FAF1: variants seen among roughly 807,000 people sequenced by gnomAD.
FAF1 encodes the protein FAS-associated factor 1.
In FAF1, 25 loss-of-function variants were observed where a neutral mutation model predicts 92.5. The ratio of observed to expected loss-of-function variants is 0.27; its 90% CI spans 0.20 to 0.38. The LOEUF is 0.38. Ranked by LOEUF, FAF1 falls within the 10% of genes least tolerant of loss-of-function variation. The probability of loss-of-function intolerance (pLI) is 1.00; values close to 1 mark genes in which losing one functional copy is unlikely to be tolerated. For synonymous variants in FAF1, 234 were observed against 273.2 expected (o/e 0.86, Z 1.42); for missense variants, 636 against 793.3 (o/e 0.80, Z 2.38).
At chr1:50,730,001 CAG>C (rs940330792) in intron 6 of FAF1, among the ~76,000 whole-genome samples, 42 of 152,062 alleles carry the variant, frequency 2.8e-4, no homozygotes, top group African/African-American at 9.9e-4. Context: ...AGCCTGGTGA[CAG>C]AGAGAGACTC....
chr1:50,724,296 T>TACACACACATAC (rs1553132405), intron 6 of FAF1, among the ~76,000 whole-genome samples: 1 of 117,136 alleles, frequency 8.5e-6, no homozygotes, highest in Non-Finnish European at 1.9e-5. Flanking sequence ...CACACACACA[T>TACACACACATAC]ACACACACAC....
At chr1:50,482,624 G>A (rs1273658001) in intron 17 of FAF1, among the ~76,000 whole-genome samples, 2 of 152,106 alleles carry the variant, frequency 1.3e-5, no homozygotes, top group South Asian at 2.1e-4. Flanking sequence ...TAGCATTCCC[G>A]TCATTAATGT....
At chr1:50,720,041 A>G (rs1658344612) in intron 6 of FAF1, among the ~76,000 whole-genome samples, 1 of 150,224 alleles carries the variant, frequency 6.7e-6, no homozygotes, top group South Asian at 2.1e-4. Flanking sequence ...TTGTTCTGCC[A>G]CCTAGGCTGG....
At chr1:50,619,650 C>T (rs904810846) in intron 8 of FAF1, among the ~76,000 whole-genome samples, 8 of 152,098 alleles carry the variant, frequency 5.3e-5, no homozygotes, top group African/African-American at 1.9e-4. Flanking sequence ...TATGACTTGA[C>T]CATTCTCTCT....
intron 15 of FAF1, among the ~76,000 whole-genome samples, chr1:50,503,872 G>C (rs185219827): frequency 1.1e-4 from 17 of 152,280 alleles, no homozygotes; most frequent in African/African-American, 3.1e-4. Context: ...GGATATGTGG[G>C]ACTTGGCTTG....
intron 10 of FAF1, 67 bp downstream of exon 10, chr1:50,584,618 T>A: frequency 6.7e-7 from 1 of 1,500,632 alleles, no homozygotes; most frequent in Non-Finnish European, 9.1e-7. Flanking sequence ...AGTTTAATGT[T>A]CTTCATAAGT....
At chr1:50,906,244 G>A (rs1644837289) in intron 1 of FAF1, among the ~76,000 whole-genome samples, 1 of 152,158 alleles carries the variant, frequency 6.6e-6, no homozygotes, top group Admixed American at 6.5e-5. Flanking sequence ...CTACATCTCT[G>A]TTTTGGTACC....
At chr1:50,860,694 G>A (rs1159773244) in intron 1 of FAF1, among the ~76,000 whole-genome samples, 1 of 151,766 alleles carries the variant, frequency 6.6e-6, no homozygotes, top group Non-Finnish European at 1.5e-5. Context: ...GCAGTTTGTA[G>A]ATTTCTCAAC....
intron 2 of FAF1, among the ~76,000 whole-genome samples, chr1:50,836,439 T>C (rs1339794204): frequency 6.6e-6 from 1 of 152,166 alleles, no homozygotes; most frequent in African/African-American, 2.4e-5. Flanking sequence ...AATAATCTCT[T>C]ACAAATGGTA....
At chr1:50,825,081 T>C (rs1644083454) in intron 2 of FAF1, among the ~76,000 whole-genome samples, 2 of 152,220 alleles carry the variant, frequency 1.3e-5, no homozygotes, top group Middle Eastern at 3.4e-3. Flanking sequence ...AGTGTGTATT[T>C]CAAAATAGCT....
At chr1:50,675,803 T>G (rs1029948095) in intron 7 of FAF1, among the ~76,000 whole-genome samples, 1 of 152,218 alleles carries the variant, frequency 6.6e-6, no homozygotes, top group Non-Finnish European at 1.5e-5. Flanking sequence ...CAAATGTTTA[T>G]GATACAATGT....
At chr1:50,602,223 G>A (rs1652173136) in intron 8 of FAF1, among the ~76,000 whole-genome samples, 1 of 152,128 alleles carries the variant, frequency 6.6e-6, no homozygotes, top group Non-Finnish European at 1.5e-5. Flanking sequence ...TGTGTTTTAA[G>A]AAGAACAATT....
chr1:50,769,053 A>AC (rs1470945223), intron 4 of FAF1, among the ~76,000 whole-genome samples: 2 of 152,082 alleles, frequency 1.3e-5, no homozygotes, highest in African/African-American at 2.4e-5. Context: ...CTTAAAAAAA[A>AC]AACAGGAGAG....
At position 50,523,004 on chromosome 1, in the gene FAF1, T is replaced by C. The variant is rs570893402; in HGVS notation, c.1494+12365A>G. On this transcript the variant is annotated intron_variant, in intron 15 of 18. Coordinates refer to ENST00000396153, the MANE Select transcript of FAF1 (RefSeq NM_007051.3). ...ATTTGATTGTTTTCAAAAATTTGCC[T>C]ATTGATGAATCATACATTTGTCCTT... Among the ~76,000 whole-genome samples, 6 of 152,316 alleles carry C rather than the reference T, an allele frequency of 3.9e-5. No individual in the cohort carries two copies. In the South Asian group the frequency reaches 1.2e-3, roughly 32 times the overall value.
chr1:50,955,680 TG>T (rs1229531936), intron 1 of FAF1, among the ~76,000 whole-genome samples: 3 of 152,212 alleles, frequency 2.0e-5, no homozygotes, highest in Non-Finnish European at 4.4e-5. Flanking sequence ...AACATATATT[TG>T]AACACCAATG....
chr1:50,802,069 T>C (rs568528543), intron 2 of FAF1, among the ~76,000 whole-genome samples: 1 of 152,198 alleles, frequency 6.6e-6, no homozygotes, highest in South Asian at 2.1e-4. Context: ...CAAATGAATG[T>C]ATTATTTCAT....
intron 1 of FAF1, among the ~76,000 whole-genome samples, chr1:50,929,902 A>G (rs969897692): frequency 4.6e-5 from 7 of 152,266 alleles, no homozygotes; most frequent in Non-Finnish European, 8.8e-5. Flanking sequence ...GTAACGCTAT[A>G]CAAATTGTCA....
chr1:50,821,597 C>A (rs995716251), intron 2 of FAF1, among the ~76,000 whole-genome samples: 19 of 152,128 alleles, frequency 1.2e-4, no homozygotes, highest in Admixed American at 1.1e-3. Context: ...CCAGCACTTA[C>A]TAGGAGCATA....
At chr1:50,831,416 GC>G (rs981534106) in intron 2 of FAF1, among the ~76,000 whole-genome samples, 3 of 152,080 alleles carry the variant, frequency 2.0e-5, no homozygotes, top group Admixed American at 6.5e-5. Flanking sequence ...ACAGCACCAT[GC>G]CCAGCCTGTC....
Sources: allele counts gnomAD v4.1 joint callset (sites outside exome capture counted in the v4.1 genomes callset), GRCh38; gene constraint gnomAD v4.1.1; transcripts MANE v1.5; gene names NCBI Gene and HGNC (gene_info 2026-07-23, HGNC 2026-07-21).